Variants in MCC observed in about 807,000 individuals in gnomAD.
MCC encodes colorectal mutant cancer protein.
MCC carries 90 observed loss-of-function variants against 116.2 expected under a neutral mutation model. The ratio of observed to expected loss-of-function variants is 0.77; its 90% CI spans 0.65 to 0.92. MCC has a LOEUF of 0.92. Ranked by LOEUF, MCC falls within the 40% of genes least tolerant of loss-of-function variation. The pLI, the probability that MCC is intolerant of heterozygous loss-of-function variation, is 0.00. For synonymous variants in MCC, 578 were observed against 510.5 expected (o/e 1.13, Z -1.78); for missense variants, 1,516 against 1,312.2 (o/e 1.16, Z -2.40).
chr5:113,469,870 A>G (rs1159289937), intron 1 of MCC, among the ~76,000 whole-genome samples: 4 of 152,046 alleles, frequency 2.6e-5, no homozygotes, highest in African/African-American at 9.7e-5. Flanking sequence ...GTGCTCCTGT[A>G]TTGGGTGCAT....
intron 3 of MCC, among the ~76,000 whole-genome samples, chr5:113,286,044 T>A (rs981463983): frequency 1.3e-5 from 2 of 152,244 alleles, no homozygotes; most frequent in Non-Finnish European, 1.5e-5. Context: ...TCAAAGACTG[T>A]TGATATCCTA....
chr5:113,223,536 G>A (rs1361298067), intron 3 of MCC, among the ~76,000 whole-genome samples: 15 of 152,146 alleles, frequency 9.9e-5, no homozygotes, highest in Admixed American at 9.8e-4. Context: ...GGCAAAGACA[G>A]GGCAGGAGAT....
intron 3 of MCC, among the ~76,000 whole-genome samples, chr5:113,208,173 T>A (rs1181753968): frequency 2.6e-5 from 4 of 152,142 alleles, no homozygotes; most frequent in Non-Finnish European, 5.9e-5. Context: ...TGAACTTTCT[T>A]TTGAAAATGG....
intron 3 of MCC, among the ~76,000 whole-genome samples, chr5:113,272,413 C>T (rs1030301373): frequency 6.6e-6 from 1 of 152,112 alleles, no homozygotes; most frequent in Admixed American, 6.5e-5. Flanking sequence ...GGTTGATAGG[C>T]TCTCCTTTAA....
At chr5:113,294,198 C>A in intron 3 of MCC, 1 of 1,111,676 alleles carries the variant, frequency 9.0e-7, no homozygotes, top group South Asian at 1.6e-5. Context: ...TACTAATCTT[C>A]AATTGCGCTG....
At chr5:113,294,267 G>A in intron 3 of MCC, 1 of 1,610,822 alleles carries the variant, frequency 6.2e-7, no homozygotes, top group East Asian at 2.2e-5. Flanking sequence ...TCGAGGGGAG[G>A]GGGATTTGTG....
At chr5:113,133,731 A>G (rs1758616898) in intron 5 of MCC, among the ~76,000 whole-genome samples, 1 of 152,210 alleles carries the variant, frequency 6.6e-6, no homozygotes. Context: ...GTAGTAATTT[A>G]CATTTCTGCC....
chr5:113,434,266 A>G lies in MCC; in HGVS notation c.171-49054T>C. ...CAGATGTCGTACACCTTGGGCTGGT[A>G]GGGAATGCCCTGCAGCACCTCTGGG... On this transcript the variant is annotated intron_variant, in intron 1 of 18. Coordinates refer to ENST00000408903, the MANE Select transcript of MCC (RefSeq NM_001085377.2). This position sits in a 1 kb window ranked among gnomAD's most constrained non-coding sequence, Gnocchi z 4.2. The G allele has an allele frequency of 6.2e-7, 1 of 1,614,178 alleles. No homozygotes were observed. Among genetic ancestry groups the G allele is most frequent in the East Asian group, 2.2e-5 (1 of 44,880 alleles).
chr5:113,097,670 G>A (rs896411906), intron 8 of MCC, among the ~76,000 whole-genome samples: 1 of 152,182 alleles, frequency 6.6e-6, no homozygotes, highest in African/African-American at 2.4e-5. Context: ...TAAAAGAGAT[G>A]TGAGGGAAAA....
intron 3 of MCC, among the ~76,000 whole-genome samples, chr5:113,218,170 T>C (rs1178381122): frequency 6.6e-6 from 1 of 151,712 alleles, no homozygotes; most frequent in Non-Finnish European, 1.5e-5. Context: ...CCAGCTTCTC[T>C]TACTCACGAG....
intron 3 of MCC, among the ~76,000 whole-genome samples, chr5:113,243,522 A>G (rs979506137): frequency 1.3e-5 from 2 of 152,214 alleles, no homozygotes; most frequent in Non-Finnish European, 2.9e-5. Flanking sequence ...TGAAAGAATA[A>G]AAGGTATTAA....
intron 3 of MCC, among the ~76,000 whole-genome samples, chr5:113,270,289 C>T (rs112694715): frequency 0.021 from 3,121 of 152,130 alleles, 35 homozygotes; most frequent in Middle Eastern, 0.027. Context: ...AGGTCATCCA[C>T]GCCAGGGTGT....
At chr5:113,457,380 C>T (rs531149001) in intron 1 of MCC, among the ~76,000 whole-genome samples, 27 of 152,356 alleles carry the variant, frequency 1.8e-4, no homozygotes, top group Admixed American at 1.2e-3. Context: ...GCTGCCTTCC[C>T]GCGGAGCAGG....
chr5:113,152,301 C>A (rs1353723220), intron 3 of MCC, among the ~76,000 whole-genome samples: 1 of 152,178 alleles, frequency 6.6e-6, no homozygotes, highest in Non-Finnish European at 1.5e-5. Flanking sequence ...GATTTTCAGG[C>A]CGACGGATGG....
chr5:113,257,974 C>G (rs1045163846), intron 3 of MCC, among the ~76,000 whole-genome samples: 1 of 152,150 alleles, frequency 6.6e-6, no homozygotes, highest in African/African-American at 2.4e-5. Context: ...GAGGAAGCCA[C>G]AACTCAATGG....
chr5:113,204,094 T>C (rs1182239754), intron 3 of MCC, among the ~76,000 whole-genome samples: 2 of 152,152 alleles, frequency 1.3e-5, no homozygotes, highest in African/African-American at 4.8e-5. Flanking sequence ...GAGGAATGAG[T>C]ATAAAGCCTA....
At chr5:113,312,324 A>G (rs577791444) in intron 3 of MCC, among the ~76,000 whole-genome samples, 1 of 152,238 alleles carries the variant, frequency 6.6e-6, no homozygotes, top group South Asian at 2.1e-4. Flanking sequence ...AAGGACAGGG[A>G]ATACAGAAAT....
chr5:113,087,736 G>A (rs1755302088), intron 8 of MCC, among the ~76,000 whole-genome samples: 1 of 150,892 alleles, frequency 6.6e-6, no homozygotes, highest in African/African-American at 2.4e-5. Flanking sequence ...GACAATCAGT[G>A]GTCTGTTCTT....
At chr5:113,181,408 A>C (rs1761620569) in intron 3 of MCC, among the ~76,000 whole-genome samples, 2 of 152,252 alleles carry the variant, frequency 1.3e-5, no homozygotes, top group African/African-American at 4.8e-5. Context: ...TTATAATCAT[A>C]GAGGTAAATA....
Sources: allele counts gnomAD v4.1 joint callset (sites outside exome capture counted in the v4.1 genomes callset), GRCh38; gene constraint gnomAD v4.1.1; non-coding constraint Gnocchi (gnomAD v3.1); transcripts MANE v1.5; gene names NCBI Gene and HGNC (gene_info 2026-07-23, HGNC 2026-07-21).